Variants in DAPK2 observed in about 807,000 individuals in gnomAD.
The protein encoded by DAPK2 is death associated protein kinase 2.
A neutral mutation model predicts 44.1 loss-of-function variants in DAPK2; 35 were observed. The ratio of observed to expected loss-of-function variants is 0.79; its 90% CI spans 0.61 to 1.05. The LOEUF is 1.05. DAPK2 is among the 50% of genes least tolerant of loss of function. DAPK2 has a pLI of 0.00. For synonymous variants in DAPK2, 174 were observed against 182.6 expected (o/e 0.95, Z 0.38); for missense variants, 453 against 483.2 (o/e 0.94, Z 0.59).
At chr15:64,011,325 C>T (rs1048711981) in intron 1 of DAPK2, among the ~76,000 whole-genome samples, 7 of 152,040 alleles carry the variant, frequency 4.6e-5, no homozygotes, top group Admixed American at 2.0e-4. Context: ...TTTAGGAGGC[C>T]GAGGTGGGTG....
At chr15:63,964,239 T>A (rs994172895) in intron 3 of DAPK2, among the ~76,000 whole-genome samples, 1 of 152,128 alleles carries the variant, frequency 6.6e-6, no homozygotes, top group African/African-American at 2.4e-5. Flanking sequence ...AGAATAAAGG[T>A]TTTTTCCTCA....
chr15:63,913,979 G>T (rs1420983737), intron 8 of DAPK2, among the ~76,000 whole-genome samples: 1 of 152,148 alleles, frequency 6.6e-6, no homozygotes, highest in African/African-American at 2.4e-5. Flanking sequence ...TCAATGCCCT[G>T]CCCTACTCTC....
chr15:64,033,733 C>T (rs1363600915), intron 1 of DAPK2, among the ~76,000 whole-genome samples: 3 of 151,952 alleles, frequency 2.0e-5, no homozygotes, highest in South Asian at 4.2e-4. Context: ...ACGGTGAAAC[C>T]CCGTCTCTAC....
chr15:63,990,426 T>TAGAAAAAAAAAA lies in DAPK2; in HGVS notation c.93-6673_93-6672insTTTTTTTTTTCT, dbSNP rs55819733. 3.3e-5 allele frequency among the ~76,000 whole-genome samples: 5 copies of TAGAAAAAAAAAA among 150,238 alleles called. No homozygotes were observed. Among genetic ancestry groups the TAGAAAAAAAAAA allele is most frequent in the Non-Finnish European group, 3.0e-5 (2 of 67,620 alleles). On this transcript the variant is annotated intron_variant, in intron 1 of 10. Transcript: ENST00000261891. The surrounding 1 kb of genome is among the most constrained non-coding windows in gnomAD (Gnocchi z 4.3). Reference sequence around the variant, plus strand: ...CTGGGTGACAGAGCAAGACTCCATCTAGAAAAAGAAAAAGAAAGGTCCATG... The same window carrying TAGAAAAAAAAAA: ...CTGGGTGACAGAGCAAGACTCCATCTAGAAAAAAAAAAAGAAAAAGAAAAAGAAAGGTCCATG...
At chr15:63,927,495 A>G (rs2079328182) in intron 6 of DAPK2, among the ~76,000 whole-genome samples, 1 of 152,174 alleles carries the variant, frequency 6.6e-6, no homozygotes, top group Non-Finnish European at 1.5e-5. Flanking sequence ...CCAGCAAACC[A>G]GTGGCTCCCC....
chr15:63,951,415 A>G (rs1276572614), intron 3 of DAPK2, among the ~76,000 whole-genome samples: 1 of 152,152 alleles, frequency 6.6e-6, no homozygotes, highest in Non-Finnish European at 1.5e-5. Context: ...AGTCAGCCCC[A>G]GTGTCCCTTC....
chr15:63,966,058 G>C lies in DAPK2; in HGVS notation c.453+5365C>G, dbSNP rs1156877247. Among the ~76,000 whole-genome samples, 1 of 152,230 alleles carries C rather than the reference G, an allele frequency of 6.6e-6. No homozygotes were observed. ...ATGTGCTGGGTCACACCTGAAGCCAGCATGTCTCTGAGTGCACATCTCTGA... is the reference window on the plus strand; with the variant it reads ...ATGTGCTGGGTCACACCTGAAGCCACCATGTCTCTGAGTGCACATCTCTGA... On this transcript the variant is annotated intron_variant, in intron 3 of 10. Coordinates refer to ENST00000261891, the Ensembl canonical transcript of DAPK2. The surrounding 1 kb of genome is among the most constrained non-coding windows in gnomAD (Gnocchi z 5.5).
At chr15:63,920,286 C>T (rs886411336) in intron 8 of DAPK2, 1 of 152,132 alleles carries the variant, frequency 6.6e-6, no homozygotes, top group African/African-American at 2.4e-5. Context: ...GCATGAGTAC[C>T]ACCGGCTTGG....
intron 2 of DAPK2, among the ~76,000 whole-genome samples, chr15:63,971,945 T>C (rs2078225331): frequency 6.6e-6 from 1 of 152,226 alleles, no homozygotes; most frequent in Admixed American, 6.5e-5. Flanking sequence ...TATTTTGAAA[T>C]TCTAACCCCC....
chr15:64,043,253 G>T (rs1357108147), upstream of DAPK2, among the ~76,000 whole-genome samples: 1 of 152,166 alleles, frequency 6.6e-6, no homozygotes, highest in Non-Finnish European at 1.5e-5. Context: ...AATTTCTTTG[G>T]ACATATCTAA....
chr15:63,914,706 C>T (rs2078883282), intron 8 of DAPK2, among the ~76,000 whole-genome samples: 1 of 152,196 alleles, frequency 6.6e-6, no homozygotes, highest in African/African-American at 2.4e-5. Context: ...ATTTGGCTCC[C>T]ATCGCACAGG....
At chr15:64,028,018 A>G (rs1009258992) in intron 1 of DAPK2, among the ~76,000 whole-genome samples, 1 of 138,394 alleles carries the variant, frequency 7.2e-6, no homozygotes, top group African/African-American at 2.8e-5. Context: ...AGTTAGCAGA[A>G]GTACATAAAC....
intron 1 of DAPK2, among the ~76,000 whole-genome samples, chr15:64,028,002 T>A (rs1223013052): frequency 6.6e-6 from 1 of 151,664 alleles, no homozygotes; most frequent in Non-Finnish European, 1.5e-5. Context: ...GGATAGAATA[T>A]TATGAAGTTA....
At chr15:63,935,429 G>A (rs755400765) in intron 4 of DAPK2, 3 of 152,062 alleles carry the variant, frequency 2.0e-5, no homozygotes, top group Non-Finnish European at 2.9e-5. Flanking sequence ...ACACAATTAT[G>A]GGTTTACTTT....
chr15:64,039,399 C>A (rs958959844), intron 1 of DAPK2, among the ~76,000 whole-genome samples: 1 of 152,200 alleles, frequency 6.6e-6, no homozygotes, highest in African/African-American at 2.4e-5. Context: ...ACTGGCTCAG[C>A]AACTTTGGGC....
chr15:64,011,637 G>A (rs1209960036), intron 1 of DAPK2, among the ~76,000 whole-genome samples: 1 of 152,194 alleles, frequency 6.6e-6, no homozygotes, highest in Non-Finnish European at 1.5e-5. Flanking sequence ...TGTGGTAGCT[G>A]CTAGCCACGT....
intron 1 of DAPK2, among the ~76,000 whole-genome samples, chr15:64,028,248 G>A (rs1337529805): frequency 6.6e-6 from 1 of 152,160 alleles, no homozygotes; most frequent in Non-Finnish European, 1.5e-5. Context: ...TAGTAGAGAT[G>A]GGGTTTCGCC....
At chr15:63,949,506 T>C (rs1195786129) in intron 3 of DAPK2, among the ~76,000 whole-genome samples, 1 of 152,190 alleles carries the variant, frequency 6.6e-6, no homozygotes, top group East Asian at 1.9e-4. Flanking sequence ...GGATGGATGT[T>C]GCTCCCATCT....
chr15:63,973,614 A>C (rs1405710110), intron 2 of DAPK2, among the ~76,000 whole-genome samples: 1 of 152,214 alleles, frequency 6.6e-6, no homozygotes, highest in Non-Finnish European at 1.5e-5. Flanking sequence ...TCTCACCCAC[A>C]TCTGATTTAG....
Sources: allele counts gnomAD v4.1 joint callset (sites outside exome capture counted in the v4.1 genomes callset), GRCh38; gene constraint gnomAD v4.1.1; non-coding constraint Gnocchi (gnomAD v3.1); transcripts MANE v1.5; gene names NCBI Gene and HGNC (gene_info 2026-07-23, HGNC 2026-07-21).